ILF2: variants seen among roughly 807,000 people sequenced by gnomAD.
ILF2 encodes the protein interleukin enhancer binding factor 2.
ILF2 carries 9 observed loss-of-function variants against 55.3 expected under a neutral mutation model. The observed-to-expected ratio is 0.16, with a 90% CI of 0.10 to 0.28. The LOEUF (loss-of-function observed/expected upper bound fraction) is 0.28, where lower values mean the gene tolerates loss of function less well. Ranked by LOEUF, ILF2 falls within the 10% of genes least tolerant of loss-of-function variation. The pLI is 1.00. For missense variants in ILF2, 266 were observed against 474.9 expected (o/e 0.56, Z 4.09); for synonymous variants, 151 against 161.8 (o/e 0.93, Z 0.50).
At position 153,662,617 on chromosome 1, in the gene ILF2, T is replaced by C. The variant is rs1669197947; in HGVS notation, c.1013-61A>G. On this transcript the variant is annotated intron_variant, in intron 13 of 13. Transcript: ENST00000361891. ...CCAGCATAAAAGTCATTACTTACAC[T>C]GTGGAAATATTAAAGACATTTAAGT... 6 of 1,568,038 alleles carry C rather than the reference T, an allele frequency of 3.8e-6. No individual in the cohort carries two copies. The South Asian group carries it at 6.7e-5, about 17-fold the overall frequency.
chr1:153,664,178 T>C, intron 9 of ILF2, 48 bp from the exon 10 acceptor site: 1 of 1,226,090 alleles, frequency 8.2e-7, no homozygotes, highest in Non-Finnish European at 1.2e-6. Flanking sequence ...GATCATGTAT[T>C]TCCATGCCTA....
At chr1:153,665,822 A>G in intron 6 of ILF2, 94 bp from the exon 7 acceptor site, 1 of 914,730 alleles carries the variant, frequency 1.1e-6, no homozygotes, top group Non-Finnish European at 1.7e-6. Context: ...TTTCTGTCCC[A>G]TATCCAAGGC....
chr1:153,665,176 G>A (rs758752265), intron 8 of ILF2, 44 bp downstream of exon 8: 2 of 1,100,332 alleles, frequency 1.8e-6, no homozygotes, highest in Admixed American at 1.7e-5. Context: ...ACCATGTTTT[G>A]AATATCCCCT....
chr1:153,662,803 A>T lies in ILF2; in HGVS notation c.922-8T>A, dbSNP rs1416540249. The T allele has an allele frequency of 6.2e-7, 1 of 1,611,692 alleles. No homozygotes were observed. The highest frequency in any genetic ancestry group is 8.5e-7 in the Non-Finnish European group (1 of 1,177,854). On this transcript the variant is annotated splice_polypyrimidine_tract_variant and splice_region_variant and intron_variant, in intron 12 of 13. Transcript: ENST00000361891. ...TGTATAGCAGACCATGTCCTGAAGG[A>T]AAGCAAAGTGAGAGTAAGCAAGGAA...
chr1:153,665,892 G>GA (rs1430487669), intron 6 of ILF2, among the ~76,000 whole-genome samples, 164 bp from the exon 7 acceptor site: 3 of 152,156 alleles, frequency 2.0e-5, no homozygotes, highest in Non-Finnish European at 4.4e-5. Flanking sequence ...GGCCTGGGCA[G>GA]AAAAATTGGA....
chr1:153,662,591 C>A, intron 13 of ILF2, 35 bp from the exon 14 acceptor site: 1 of 1,594,870 alleles, frequency 6.3e-7, no homozygotes, highest in Non-Finnish European at 8.6e-7. Context: ...AGACGAGTAG[C>A]CCAGCATAAA....
At position 153,670,910 on chromosome 1, in the gene ILF2, C is replaced by G; in HGVS notation, c.5+8G>C. ...CCTGAAACCTTTCGACCGCTTCGAC[C>G]CACTTACCTCATGGCGCCTTAAAAC... On this transcript the variant is annotated splice_region_variant and intron_variant, in intron 1 of 13. Coordinates refer to ENST00000361891, the MANE Select transcript of ILF2 (RefSeq NM_004515.4). 1.2e-6 allele frequency: 2 copies of G among 1,614,186 alleles called. No individual in the cohort carries two copies. The highest frequency in any genetic ancestry group is 2.2e-5 in the East Asian group (1 of 44,888).
intron 13 of ILF2, 46 bp downstream of exon 13, chr1:153,662,654 TCTCTG>T (rs1669198668): frequency 1.9e-6 from 3 of 1,559,620 alleles, no homozygotes; most frequent in Non-Finnish European, 2.7e-6. Context: ...GTGTACAGCT[TCTCTG>T]TACCAGATTA....
intron 10 of ILF2, 30 bp downstream of exon 10, chr1:153,664,013 G>A (rs770011243): frequency 1.6e-6 from 2 of 1,257,084 alleles, no homozygotes; most frequent in African/African-American, 1.5e-5. Flanking sequence ...TAAGGATGAT[G>A]AGGAACTCCA....
Position 153,668,402 on chromosome 1 carries a change from T to C in ILF2, c.213+51A>G, listed in dbSNP as rs1669361133. On this transcript the variant is annotated intron_variant, in intron 4 of 13. Transcript: ENST00000361891. ...CTTACCAACAGTTACTCTTTACCAATACTTTTAACTGCTTTAGAGACATTT... is the reference window on the plus strand; with the variant it reads ...CTTACCAACAGTTACTCTTTACCAACACTTTTAACTGCTTTAGAGACATTT... 4.4e-6 allele frequency: 7 copies of C among 1,607,558 alleles called. No individual in the cohort carries two copies. The East Asian group carries it at 1.6e-4, about 36-fold the overall frequency.
Position 153,662,253 on chromosome 1 carries a change from T to C in ILF2, c.*143A>G, listed in dbSNP as rs1130655. 15 of 1,030,666 alleles carry C rather than the reference T, an allele frequency of 1.5e-5. No individual in the cohort carries two copies. In the African/African-American group the frequency reaches 2.1e-4, roughly 14 times the overall value. 63.8% of individuals were successfully genotyped at this position (1,030,666 alleles called of 1,614,324 possible). A position where few individuals can be genotyped will look rare whatever the true frequency, so the allele number is the denominator to read the frequency against. On this transcript the variant is annotated 3_prime_UTR_variant, in exon 14 of 14. Coordinates refer to ENST00000361891, the MANE Select transcript of ILF2 (RefSeq NM_004515.4). ...CAGCTAAGCCAATATCAAAACCCAG[T>C]GGAATGACACTTCTATGGAGTTTAC...
chr1:153,665,796 C>A, intron 6 of ILF2, 68 bp from the exon 7 acceptor site: 1 of 1,124,594 alleles, frequency 8.9e-7, no homozygotes, highest in Non-Finnish European at 1.3e-6. Context: ...TATCTCTAAG[C>A]TACTTTGCAC....
At chr1:153,668,213 G>A in intron 4 of ILF2, 136 bp from the exon 5 acceptor site, 2 of 778,190 alleles carry the variant, frequency 2.6e-6, no homozygotes, top group South Asian at 1.8e-5. Context: ...CTTCATTCTG[G>A]CCTTGAATAT....
At chr1:153,663,956 TTAC>T (rs10598064) in intron 10 of ILF2, 84 bp downstream of exon 10, 50,071 of 405,056 alleles carry the variant, frequency 0.12, 2,888 homozygotes, top group African/African-American at 0.37. Flanking sequence ...AATTTCAGAG[TTAC>T]TACTACTACT....
chr1:153,664,407 A>T lies in ILF2; in HGVS notation c.645T>A (p.Ala215=). Residue 215 remains alanine (A), a synonymous_variant, in exon 9 of 14, where the codon GCT becomes GCA. Coordinates refer to ENST00000361891, the MANE Select transcript of ILF2 (RefSeq NM_004515.4). The part of the protein sequence containing the change: ...IRHARWFEEN[A]SQSTVKVLIR... The stretch of plus-strand genomic sequence containing the variant: ...AGAGAGGGACTCACGTGGACTGAGA[A>T]GCATTTTCCTCGAACCAGCGGGCAT... 2 of 1,613,850 alleles carry T rather than the reference A, an allele frequency of 1.2e-6. No homozygotes were observed. The highest frequency in any genetic ancestry group is 1.7e-6 in the Non-Finnish European group (2 of 1,179,706).
chr1:153,665,901 G>A (rs1005937488), intron 6 of ILF2, among the ~76,000 whole-genome samples, 173 bp from the exon 7 acceptor site: 4 of 152,178 alleles, frequency 2.6e-5, no homozygotes, highest in Non-Finnish European at 5.9e-5. Flanking sequence ...AGAAAAATTG[G>A]AAGACTCAGG....
rs1295133639 is a variant in ILF2, at chr1:153,662,737, C to T, written c.980G>A (p.Arg327Lys). 8 of 1,614,108 alleles carry T rather than the reference C, an allele frequency of 5.0e-6. No individual in the cohort carries two copies. The highest frequency in any genetic ancestry group is 6.8e-6 in the Non-Finnish European group (8 of 1,180,044). ...LVRILSHGGFRKILGQEGDAS... is the reference protein window; with the variant it reads ...LVRILSHGGFKKILGQEGDAS... ...ATCACCCTCCTGGCCAAGGATCTTCCTAAAGCCACCATGTGAGAGGATTCG... is the reference window on the plus strand; with the variant it reads ...ATCACCCTCCTGGCCAAGGATCTTCTTAAAGCCACCATGTGAGAGGATTCG... Residue 327 changes from arginine (R) to lysine (K), a missense_variant, in exon 13 of 14, where the codon AGG becomes AAG. Arg to Lys is a conservative substitution (Grantham distance 26). Transcript: ENST00000361891.
At chr1:153,667,405 GGA>G in intron 6 of ILF2, 148 bp downstream of exon 6, 1 of 675,094 alleles carries the variant, frequency 1.5e-6, no homozygotes, top group Non-Finnish European at 2.7e-6. Context: ...TTGCTGTAGT[GGA>G]GGTCAAGGCT....
At chr1:153,663,937 ACT>A in intron 10 of ILF2, 104 bp downstream of exon 10, 1 of 539,424 alleles carries the variant, frequency 1.9e-6, no homozygotes, top group Non-Finnish European at 3.1e-6. Context: ...CAAATTTCAG[ACT>A]CTGGTGAATT....
Sources: allele counts gnomAD v4.1 joint callset (sites outside exome capture counted in the v4.1 genomes callset), GRCh38; gene constraint gnomAD v4.1.1; transcripts MANE v1.5; gene names NCBI Gene and HGNC (gene_info 2026-07-23, HGNC 2026-07-21).